P3H2: variants seen among roughly 807,000 people sequenced by gnomAD.
P3H2 encodes the protein prolyl 3-hydroxylase 2.
A neutral mutation model predicts 87.0 loss-of-function variants in P3H2; 80 were observed. The observed-to-expected ratio is 0.92, with a 90% CI of 0.77 to 1.11. The LOEUF is 1.11. Ranked by LOEUF, P3H2 falls within the 50% of genes least tolerant of loss-of-function variation. The pLI is 0.00. For missense variants in P3H2, 1,001 were observed against 923.9 expected, an observed-to-expected ratio of 1.08 and a Z score of -1.08; for synonymous variants, 367 against 359.3, an observed-to-expected ratio of 1.02 and a Z score of -0.24.
intron 1 of P3H2, among the ~76,000 whole-genome samples, chr3:190,060,006 A>C (rs1481394738): frequency 6.6e-6 from 1 of 152,222 alleles, no homozygotes; most frequent in East Asian, 1.9e-4. Flanking sequence ...GCCAACATCA[A>C]GAATTTTCTT....
chr3:189,987,577 C>T lies in P3H2; in HGVS notation c.1048G>A (p.Glu350Lys). 2 of 1,614,024 alleles carry T rather than the reference C, an allele frequency of 1.2e-6. No individual in the cohort carries two copies. The highest frequency in any genetic ancestry group is 1.7e-6 in the Non-Finnish European group (2 of 1,179,948). ...TCAATGCTATCATCCAGCAGACTCT[C>T]ATAGTAATCCACATTGTCTAGGACA... Reference protein sequence around the residue: ...EDVLDNVDYYESLLDDSIDPA... With the variant: ...EDVLDNVDYYKSLLDDSIDPA... Residue 350 changes from glutamate to lysine, a missense_variant, in exon 5 of 15, where the codon GAG (glutamate) becomes AAG (lysine). Coordinates refer to ENST00000319332, the MANE Select transcript of P3H2 (RefSeq NM_018192.4).
intron 1 of P3H2, among the ~76,000 whole-genome samples, chr3:190,069,380 T>C (rs1201989397): frequency 6.6e-6 from 1 of 152,050 alleles, no homozygotes; most frequent in Non-Finnish European, 1.5e-5. Context: ...CTAGAAAAAA[T>C]GGAAAGTTCA....
At chr3:190,109,374 C>A (rs919070442) in intron 1 of P3H2, among the ~76,000 whole-genome samples, 4 of 152,260 alleles carry the variant, frequency 2.6e-5, no homozygotes, top group African/African-American at 9.6e-5. Context: ...TGTGAGTTGG[C>A]ATTTTTGTTT....
At chr3:189,985,778 A>T (rs1723677028) in intron 6 of P3H2, among the ~76,000 whole-genome samples, 1 of 152,046 alleles carries the variant, frequency 6.6e-6, no homozygotes, top group Non-Finnish European at 1.5e-5. Flanking sequence ...TACATTATGT[A>T]TAATTCAAAA....
chr3:189,965,862 T>C (rs1450594951), intron 13 of P3H2, among the ~76,000 whole-genome samples: 1 of 151,200 alleles, frequency 6.6e-6, no homozygotes, highest in East Asian at 1.9e-4. Context: ...GGTGGGTGCC[T>C]GTGATCCCAG....
chr3:190,008,194 T>G (rs1299436394), intron 1 of P3H2, among the ~76,000 whole-genome samples: 2 of 152,000 alleles, frequency 1.3e-5, no homozygotes, highest in African/African-American at 4.8e-5. Flanking sequence ...AAACCTGGTC[T>G]TTTAATTCCA....
chr3:190,026,831 C>T (rs549176167), intron 1 of P3H2, among the ~76,000 whole-genome samples: 1 of 152,242 alleles, frequency 6.6e-6, no homozygotes, highest in East Asian at 1.9e-4. Flanking sequence ...AAATATCATA[C>T]GGGTATTAGT....
intron 1 of P3H2, among the ~76,000 whole-genome samples, chr3:190,005,021 A>T (rs1163568421): frequency 7.5e-5 from 11 of 145,722 alleles, no homozygotes; most frequent in Non-Finnish European, 1.5e-4. Context: ...GTCACAAATC[A>T]TTTGTCAAAA....
At chr3:190,104,697 G>T (rs918218976) in intron 1 of P3H2, among the ~76,000 whole-genome samples, 4 of 114,986 alleles carry the variant, frequency 3.5e-5, no homozygotes, top group African/African-American at 1.2e-4. Flanking sequence ...TTCCTAGCAC[G>T]GATGTCCTGA....
rs555389670 is a variant in P3H2, at chr3:190,113,906, T to C, written c.480+6346A>G. On this transcript the variant is annotated intron_variant, in intron 1 of 14. Coordinates refer to ENST00000319332, the MANE Select transcript of P3H2 (RefSeq NM_018192.4). ...TCCTGGCTAACACGGTGAAACCCCG[T>C]CTCTACTAAAAATACAAAAAGAAAT... Among the ~76,000 whole-genome samples, 365 of 151,638 alleles carry C rather than the reference T, an allele frequency of 2.4e-3. 1 individual carries two copies. Among genetic ancestry groups the C allele is most frequent in the African/African-American group, 8.2e-3 (340 of 41,358 alleles).
intron 1 of P3H2, among the ~76,000 whole-genome samples, chr3:190,109,837 T>C (rs1460915669): frequency 7.1e-6 from 1 of 141,524 alleles, no homozygotes; most frequent in Admixed American, 7.3e-5. Context: ...CTAACCTTGA[T>C]GCCCAGTCTT....
Position 189,983,056 on chromosome 3 carries a change from G to T in P3H2, c.1314C>A (p.Asp438Glu). The T allele has an allele frequency of 6.2e-7, 1 of 1,612,872 alleles. No homozygotes were observed. Among genetic ancestry groups the T allele is most frequent in the Non-Finnish European group, 8.5e-7 (1 of 1,179,028 alleles). ...GKKLSPKIDRDLREGGPLLYE... is the reference protein window; with the variant it reads ...GKKLSPKIDRELREGGPLLYE... ...TGCACAGCTACTTACCTTCTCTTAG[G>T]TCTCGATCTATCTTGGGTGATAGCT... The change falls in exon 8 of 15, where the codon GAC becomes GAA. Residue 438 changes from aspartate to glutamate, a missense_variant. Coordinates refer to ENST00000319332, the MANE Select transcript of P3H2 (RefSeq NM_018192.4).
At chr3:189,981,415 T>C (rs1723530769) in intron 8 of P3H2, among the ~76,000 whole-genome samples, 1 of 152,202 alleles carries the variant, frequency 6.6e-6, no homozygotes, top group East Asian at 1.9e-4. Context: ...CTGGTGCATG[T>C]GGGTAAAACC....
At chr3:190,083,464 T>G (rs1421721967) in intron 1 of P3H2, among the ~76,000 whole-genome samples, 2 of 152,178 alleles carry the variant, frequency 1.3e-5, no homozygotes, top group African/African-American at 4.8e-5. Flanking sequence ...AAAATTTGCA[T>G]GTATGAAAAG....
intron 1 of P3H2, among the ~76,000 whole-genome samples, chr3:190,026,916 G>A (rs1277314647): frequency 6.6e-6 from 1 of 152,146 alleles, no homozygotes; most frequent in East Asian, 1.9e-4. Context: ...AATATTTGCT[G>A]GGTGTATGAA....
At chr3:190,120,096 T>C (rs150011190) in intron 1 of P3H2, among the ~76,000 whole-genome samples, 156 bp downstream of exon 1, 1 of 152,268 alleles carries the variant, frequency 6.6e-6, no homozygotes, top group Non-Finnish European at 1.5e-5. Flanking sequence ...CATACAGAGA[T>C]AGGGCCACCA....
intron 1 of P3H2, among the ~76,000 whole-genome samples, chr3:190,056,403 C>T (rs952793263): frequency 1.3e-5 from 2 of 152,090 alleles, no homozygotes; most frequent in Non-Finnish European, 2.9e-5. Flanking sequence ...GCTATATTCC[C>T]GAGTACTCAA....
Position 190,001,990 on chromosome 3 carries a change from C to T in P3H2, c.481-6548G>A, listed in dbSNP as rs148731861. 3.5e-3 allele frequency among the ~76,000 whole-genome samples: 534 copies of T among 152,138 alleles called. 3 individuals are homozygous for T. Among genetic ancestry groups the T allele is most frequent in the African/African-American group, 0.011 (469 of 41,492 alleles). ...AGTTTGTTCAACCTACTGAATTAAA[C>T]GAAATCCTGTAAATTACAGTATTTA... On this transcript the variant is annotated intron_variant, in intron 1 of 14. Transcript: ENST00000319332.
intron 1 of P3H2, among the ~76,000 whole-genome samples, chr3:190,039,201 T>A (rs868114013): frequency 1.3e-4 from 14 of 110,170 alleles, no homozygotes; most frequent in African/African-American, 2.4e-4. Flanking sequence ...AAAAAAAAAA[T>A]AAAAAAGAAT....
Sources: allele counts gnomAD v4.1 joint callset (sites outside exome capture counted in the v4.1 genomes callset), GRCh38; gene constraint gnomAD v4.1.1; transcripts MANE v1.5; gene names NCBI Gene and HGNC (gene_info 2026-07-23, HGNC 2026-07-21).